Variants in TPCN1 observed in about 807,000 individuals in gnomAD.
TPCN1 encodes the protein two pore channel protein 1.
Under a neutral mutation model 108.8 loss-of-function variants are expected in TPCN1, and 52 were observed. The ratio of observed to expected loss-of-function variants is 0.48; its 90% CI spans 0.38 to 0.60. The LOEUF is 0.60. Among genes scored for constraint, TPCN1 ranks in the 20% least tolerant of loss-of-function variants. TPCN1 has a pLI of 0.00. For missense variants in TPCN1, 806 were observed against 1,072.8 expected (o/e 0.75, Z 3.47); for synonymous variants, 446 against 433.7 (o/e 1.03, Z -0.35).
chr12:113,278,678 A>G, intron 13 of TPCN1, 94 bp from the exon 14 acceptor site: 4 of 967,350 alleles, frequency 4.1e-6, no homozygotes, highest in Non-Finnish European at 6.6e-6. Flanking sequence ...CCAGTTTAGC[A>G]GGGTGAACAG....
chr12:113,292,062 C>T (rs1436932952), intron 25 of TPCN1, 104 bp downstream of exon 25: 1 of 936,896 alleles, frequency 1.1e-6, no homozygotes. Flanking sequence ...TGTCATTTTT[C>T]TGCTGTCTGG....
chr12:113,243,400 T>G lies in TPCN1; in HGVS notation c.112+16436T>G, dbSNP rs145231547. Among the ~76,000 whole-genome samples the G allele has an allele frequency of 5.1e-3, 776 of 152,032 alleles. 11 individuals are homozygous for G. Among genetic ancestry groups the G allele is most frequent in the African/African-American group, 0.018 (735 of 41,470 alleles). ...AAAAAAAATACTACATCCTCCCTTT[T>G]TCTCCCCAAAATTATCATGTGATTT... On this transcript the variant is annotated intron_variant, in intron 2 of 27. Coordinates refer to ENST00000335509, the MANE Select transcript of TPCN1 (RefSeq NM_017901.6).
In TPCN1 at chr12:113,226,983, C is replaced by T. The variant is rs371480151; in HGVS notation, c.112+19C>T. On this transcript the variant is annotated intron_variant, in intron 2 of 27. Transcript: ENST00000335509. ...AGCAAAAGTAAGATGGTGGGGTGGG[C>T]TGGGGGGACCCCAGCTTTTCTGTTT... 67 of 1,596,984 alleles carry T rather than the reference C, an allele frequency of 4.2e-5. No homozygotes were observed. The African/African-American group carries it at 5.7e-4, about 13-fold the overall frequency.
rs140419490 is a variant in TPCN1 at position 113,258,815 on chromosome 12, A to G, written c.113-1553A>G. On this transcript the variant is annotated intron_variant, in intron 2 of 27. Coordinates refer to ENST00000335509, the MANE Select transcript of TPCN1 (RefSeq NM_017901.6). Reference sequence around the variant, plus strand: ...GCAGGGAGCTGGGGAAGTAAGTTGCATGTGGCTGGACCTCATTGCTCATGA... The same window carrying G: ...GCAGGGAGCTGGGGAAGTAAGTTGCGTGTGGCTGGACCTCATTGCTCATGA... Among the ~76,000 whole-genome samples, 63 of 152,202 alleles carry G rather than the reference A, an allele frequency of 4.1e-4. No homozygotes were observed. The East Asian group carries it at 0.011, about 28-fold the overall frequency.
At position 113,269,913 on chromosome 12, in the gene TPCN1, T is replaced by C. The variant is rs1217938609; in HGVS notation, c.748+68T>C. ...GTTCACGGTGGATGAAAAATTATTT[T>C]GGGCCTGGCTCAGTGGCTCACGCCT... On this transcript the variant is annotated intron_variant, in intron 7 of 27. Transcript: ENST00000335509. The surrounding 1 kb of genome is among the most constrained non-coding windows in gnomAD (Gnocchi z 5.0). 3 of 1,555,850 alleles carry C rather than the reference T, an allele frequency of 1.9e-6. No individual in the cohort carries two copies. The African/African-American group carries it at 4.1e-5, about 21-fold the overall frequency.
rs537126385 is a variant in TPCN1 at position 113,289,622 on chromosome 12, G to A, written c.1797-506G>A. ...CTAGACTTTTATAAACATTAGCATG[G>A]ATATTAACAGAACAGCCATAAAAGA... On this transcript the variant is annotated intron_variant, in intron 21 of 27. Coordinates refer to ENST00000335509, the MANE Select transcript of TPCN1 (RefSeq NM_017901.6). This position sits in a 1 kb window ranked among gnomAD's most constrained non-coding sequence, Gnocchi z 4.1. 2.6e-5 allele frequency among the ~76,000 whole-genome samples: 4 copies of A among 152,280 alleles called. No homozygotes were observed. The South Asian group carries it at 8.3e-4, about 32-fold the overall frequency.
At position 113,295,999 on chromosome 12, in the gene TPCN1, C is replaced by T. The variant is rs147004317; in HGVS notation, c.2374C>T (p.Arg792Ter). 12 of 1,612,206 alleles carry T rather than the reference C, an allele frequency of 7.4e-6. No homozygotes were observed. The highest frequency in any genetic ancestry group is 4.4e-5 in the South Asian group (4 of 90,964). ...EEHAREQEQQ[R>*]QLSSSAAPAA... ...GCATGCCAGGGAGCAAGAGCAGCAG[C>T]GACAACTCAGCAGCAGTGCAGCCCC... Residue 792 changes from arginine to a stop codon, truncating the protein, a stop_gained, in exon 28 of 28, where the codon CGA (arginine) becomes TGA (stop). Transcript: ENST00000335509. LOFTEE classifies it low-confidence loss of function (END_TRUNC).
intron 3 of TPCN1, among the ~76,000 whole-genome samples, chr12:113,263,338 G>A (rs772246633): frequency 2.6e-5 from 4 of 152,116 alleles, no homozygotes; most frequent in Admixed American, 6.6e-5. Context: ...ACCTTGGCTC[G>A]CTGCAACCTC....
At position 113,284,696 on chromosome 12, in the gene TPCN1, C is replaced by T. The variant is rs1377699153; in HGVS notation, c.1400-22C>T. On this transcript the variant is annotated intron_variant, in intron 16 of 27. Transcript: ENST00000335509. The surrounding 1 kb of genome is among the most constrained non-coding windows in gnomAD (Gnocchi z 4.1). ...CCGGCACACCTGGCTTACCTGTGAG[C>T]TGCTACTTCTCTGTCTTACAGGTGG... 1 of 1,614,220 alleles carries T rather than the reference C, an allele frequency of 6.2e-7. No individual in the cohort carries two copies. Among genetic ancestry groups the T allele is most frequent in the Admixed American group, 1.7e-5 (1 of 60,032 alleles).
At chr12:113,237,065 G>A (rs1457335939) in intron 2 of TPCN1, among the ~76,000 whole-genome samples, 2 of 152,160 alleles carry the variant, frequency 1.3e-5, no homozygotes, top group Non-Finnish European at 2.9e-5. Flanking sequence ...AAATGTGTTT[G>A]GGCCAGAAAG....
chr12:113,241,793 T>TGTGTGTGTGC (rs776600301), intron 2 of TPCN1, among the ~76,000 whole-genome samples: 364 of 150,510 alleles, frequency 2.4e-3, no homozygotes, highest in Middle Eastern at 3.4e-3. Flanking sequence ...TGTGTGTGTG[T>TGTGTGTGTGC]GCGTGTGTGT....
At chr12:113,243,862 G>A (rs1230113433) in intron 2 of TPCN1, among the ~76,000 whole-genome samples, 4 of 152,154 alleles carry the variant, frequency 2.6e-5, no homozygotes, top group African/African-American at 4.8e-5. Flanking sequence ...TCATGTGGAC[G>A]GTTAGGAAGT....
At chr12:113,276,644 T>A (rs184143023) in intron 10 of TPCN1, among the ~76,000 whole-genome samples, 122 of 151,408 alleles carry the variant, frequency 8.1e-4, no homozygotes, top group East Asian at 1.2e-3. Flanking sequence ...GGGAAAGGAG[T>A]GTGGGAAAGT....
At chr12:113,233,134 A>G (rs946550653) in intron 2 of TPCN1, among the ~76,000 whole-genome samples, 3 of 152,108 alleles carry the variant, frequency 2.0e-5, no homozygotes, top group Non-Finnish European at 4.4e-5. Flanking sequence ...TCAGCCCTCC[A>G]CATCTTCATG....
intron 2 of TPCN1, among the ~76,000 whole-genome samples, chr12:113,255,373 A>C (rs1448531114): frequency 2.6e-5 from 4 of 152,246 alleles, no homozygotes; most frequent in Admixed American, 1.3e-4. Context: ...AAGCTGTAAA[A>C]TATTACTAAG....
intron 13 of TPCN1, 27 bp downstream of exon 13, chr12:113,278,264 G>A (rs879154224): frequency 6.2e-7 from 1 of 1,609,564 alleles, no homozygotes; most frequent in Non-Finnish European, 8.5e-7. Flanking sequence ...GACCATAGAA[G>A]GAGTAGACAG....
intron 2 of TPCN1, among the ~76,000 whole-genome samples, chr12:113,240,385 G>A (rs563985834): frequency 1.3e-4 from 20 of 152,216 alleles, no homozygotes; most frequent in East Asian, 7.7e-4. Flanking sequence ...TGAGTGTCGC[G>A]CAGTCTGCAA....
chr12:113,224,023 G>A (rs1245911478), intron 1 of TPCN1, among the ~76,000 whole-genome samples: 1 of 152,196 alleles, frequency 6.6e-6, no homozygotes, highest in Non-Finnish European at 1.5e-5. Context: ...TAACTGTTCT[G>A]AGAGGCTGCA....
At chr12:113,246,096 C>A in intron 2 of TPCN1, 1 of 451,512 alleles carries the variant, frequency 2.2e-6, no homozygotes, top group Non-Finnish European at 4.5e-6. Flanking sequence ...TCCTCTGCAC[C>A]GGGATGTCTC....
Sources: allele counts gnomAD v4.1 joint callset (sites outside exome capture counted in the v4.1 genomes callset), GRCh38; gene constraint gnomAD v4.1.1; non-coding constraint Gnocchi (gnomAD v3.1); transcripts MANE v1.5; gene names NCBI Gene and HGNC (gene_info 2026-07-23, HGNC 2026-07-21).